Variants in RCL1 observed in about 807,000 individuals in gnomAD.
The protein encoded by RCL1 is RNA terminal phosphate cyclase like 1, also known as RNA 3'-terminal phosphate cyclase-like protein.
In RCL1, 24 loss-of-function variants were observed where a neutral mutation model predicts 42.4. That is an observed-to-expected ratio of 0.57 (90% CI 0.41 to 0.80). RCL1 has a LOEUF of 0.80. RCL1 is among the 30% of genes least tolerant of loss of function. The pLI, the probability that RCL1 is intolerant of heterozygous loss-of-function variation, is 0.00. For missense variants in RCL1, 578 were observed against 467.9 expected (o/e 1.24, Z -2.17); for synonymous variants, 228 against 177.3 (o/e 1.29, Z -2.27).
intron 3 of RCL1, among the ~76,000 whole-genome samples, chr9:4,827,786 G>C (rs1410758541): frequency 6.6e-6 from 1 of 151,754 alleles, no homozygotes; most frequent in Non-Finnish European, 1.5e-5. Flanking sequence ...GTGTGAGAGA[G>C]AGAGAGATTA....
At chr9:4,832,926 G>C (rs1483401721) in intron 3 of RCL1, among the ~76,000 whole-genome samples, 1 of 151,914 alleles carries the variant, frequency 6.6e-6, no homozygotes. Context: ...GTAGGTGTTG[G>C]TCTCCATGTC....
intron 3 of RCL1, among the ~76,000 whole-genome samples, chr9:4,831,487 T>A (rs1816942442): frequency 6.6e-6 from 1 of 152,200 alleles, no homozygotes; most frequent in African/African-American, 2.4e-5. Flanking sequence ...TTTATTTTTT[T>A]ATTTTTAGAG....
chr9:4,843,621 A>T (rs1241644495), intron 6 of RCL1, among the ~76,000 whole-genome samples: 1 of 152,222 alleles, frequency 6.6e-6, no homozygotes, highest in Non-Finnish European at 1.5e-5. Context: ...TAAATGGAAT[A>T]ATTCTGATTA....
rs148222861 is a variant in RCL1 at position 4,825,776 on chromosome 9, G to T, written c.209-1082G>T. On this transcript the variant is annotated intron_variant, in intron 2 of 8. Transcript: ENST00000381750. ...TGGAGAGCCAGGCATGGTGGTTCAT[G>T]CCTGTAATCCCAGCACTTTGGGAAG... Among the ~76,000 whole-genome samples, 599 of 152,196 alleles carry T rather than the reference G, an allele frequency of 3.9e-3. 6 individuals carry two copies. Among genetic ancestry groups the T allele is most frequent in the African/African-American group, 0.014 (583 of 41,522 alleles).
chr9:4,836,044 G>A (rs1464632007), intron 5 of RCL1, among the ~76,000 whole-genome samples: 1 of 152,126 alleles, frequency 6.6e-6, no homozygotes, highest in Admixed American at 6.5e-5. Context: ...GGGGATGGGC[G>A]GGGTAGGATA....
chr9:4,824,424 C>T lies in RCL1; in HGVS notation c.208+805C>T, dbSNP rs1423668280. ...AGTACAAATGTCTCAGAGAACTTTC[C>T]CTTCCAGCACATGCAGGTCTTCCTT... On this transcript the variant is annotated intron_variant, in intron 2 of 8. Coordinates refer to ENST00000381750, the MANE Select transcript of RCL1 (RefSeq NM_005772.5). Among the ~76,000 whole-genome samples, 2 of 148,358 alleles carry T rather than the reference C, an allele frequency of 1.3e-5. 1 individual carries two copies. The highest frequency in any genetic ancestry group is 3.9e-4 in the East Asian group (2 of 5,118).
At chr9:4,833,742 A>G (rs907062189) in intron 4 of RCL1, among the ~76,000 whole-genome samples, 1 of 152,218 alleles carries the variant, frequency 6.6e-6, no homozygotes, top group African/African-American at 2.4e-5. Flanking sequence ...TTCATGTTTT[A>G]AACAGGGGAA....
At chr9:4,841,472 AT>A (rs1817325066) in intron 6 of RCL1, 115 bp downstream of exon 6, 1 of 834,342 alleles carries the variant, frequency 1.2e-6, no homozygotes, top group South Asian at 1.7e-5. Flanking sequence ...CAATTTCAGA[AT>A]TAATTTCTTT....
intron 1 of RCL1, among the ~76,000 whole-genome samples, chr9:4,813,748 T>C (rs1816264097): frequency 6.6e-6 from 1 of 152,220 alleles, no homozygotes; most frequent in Non-Finnish European, 1.5e-5. Context: ...CGTATGTTTA[T>C]TGCGGCACTA....
chr9:4,799,011 T>C (rs1842956384), intron 1 of RCL1, among the ~76,000 whole-genome samples: 1 of 131,342 alleles, frequency 7.6e-6, no homozygotes, highest in African/African-American at 2.9e-5. Context: ...TCCCTCCCCT[T>C]CCCTCCCTCC....
intron 2 of RCL1, among the ~76,000 whole-genome samples, chr9:4,824,003 C>T (rs404464): frequency 0.29 from 43,818 of 151,888 alleles, 7,288 homozygotes; most frequent in Middle Eastern, 0.43. Flanking sequence ...ATTTGAAGGG[C>T]GTACATTTGA....
At chr9:4,812,739 A>AT (rs371885850) in intron 1 of RCL1, among the ~76,000 whole-genome samples, 1 of 151,376 alleles carries the variant, frequency 6.6e-6, no homozygotes, top group Non-Finnish European at 1.5e-5. Flanking sequence ...ATGTGTTTCC[A>AT]TTTTTTTTGT....
At chr9:4,808,859 G>C (rs1270464895) in intron 1 of RCL1, among the ~76,000 whole-genome samples, 1 of 152,124 alleles carries the variant, frequency 6.6e-6, no homozygotes, top group African/African-American at 2.4e-5. Context: ...AGAAGTTTTT[G>C]ATTTCATTTT....
At chr9:4,857,852 C>T (rs368759336) in intron 8 of RCL1, among the ~76,000 whole-genome samples, 9 of 151,214 alleles carry the variant, frequency 6.0e-5, no homozygotes, top group African/African-American at 2.2e-4. Flanking sequence ...ATTTTCACTT[C>T]CCTAATAACC....
intron 8 of RCL1, among the ~76,000 whole-genome samples, chr9:4,855,459 CAA>C (rs1205417140): frequency 6.6e-6 from 1 of 152,034 alleles, no homozygotes; most frequent in African/African-American, 2.4e-5. Context: ...AATATGAACT[CAA>C]GAGGCGGTGC....
At chr9:4,846,226 G>A (rs1037998261) in intron 7 of RCL1, among the ~76,000 whole-genome samples, 1 of 152,114 alleles carries the variant, frequency 6.6e-6, no homozygotes, top group Non-Finnish European at 1.5e-5. Context: ...TAAATTTCCA[G>A]GTCCTAAATG....
At position 4,833,194 on chromosome 9, in the gene RCL1, A is replaced by T. The variant is rs1438872467; in HGVS notation, c.425A>T (p.Gln142Leu). 6.2e-7 allele frequency: 1 copy of T among 1,613,260 alleles called. No individual in the cohort carries two copies. Among genetic ancestry groups the T allele is most frequent in the Non-Finnish European group, 8.5e-7 (1 of 1,179,306 alleles). ...LKATALPLLK[Q>L]FGIDGESFEL... ...GCAACAGCACTCCCTTTGTTGAAAC[A>T]ATTTGGGATTGATGGTGAATCATTT... The change falls in exon 4 of 9, where the codon CAA (glutamine) becomes CTA (leucine). Residue 142 changes from glutamine to leucine, a missense_variant. Transcript: ENST00000381750.
intron 1 of RCL1, among the ~76,000 whole-genome samples, chr9:4,796,366 G>A (rs1842914042): frequency 6.6e-6 from 1 of 152,126 alleles, no homozygotes; most frequent in Admixed American, 6.6e-5. Flanking sequence ...GTTCTCTTAG[G>A]ATAATGGCCT....
At chr9:4,823,076 C>T (rs1444673529) in intron 1 of RCL1, among the ~76,000 whole-genome samples, 1 of 152,106 alleles carries the variant, frequency 6.6e-6, no homozygotes, top group East Asian at 1.9e-4. Context: ...ATAGTGATCT[C>T]TTACTGTCTC....
Sources: allele counts gnomAD v4.1 joint callset (sites outside exome capture counted in the v4.1 genomes callset), GRCh38; gene constraint gnomAD v4.1.1; transcripts MANE v1.5; gene names NCBI Gene and HGNC (gene_info 2026-07-23, HGNC 2026-07-21).